Variants in DSCAML1 observed in about 807,000 individuals in gnomAD.
The protein encoded by DSCAML1 is DS cell adhesion molecule like 1, also known as cell adhesion molecule DSCAML1.
DSCAML1 carries 38 observed loss-of-function variants against 200.5 expected under a neutral mutation model. The ratio of observed to expected loss-of-function variants is 0.19; its 90% confidence interval spans 0.15 to 0.25. The LOEUF (loss-of-function observed/expected upper bound fraction) is 0.25, where lower values mean the gene tolerates loss of function less well. Among genes scored for constraint, DSCAML1 ranks in the 10% least tolerant of loss-of-function variants. The pLI is 1.00. For synonymous variants in DSCAML1, 1,215 were observed against 1,165.0 expected, an observed-to-expected ratio of 1.04 and a Z score of -0.87; for missense variants, 2,223 against 2,858.8, an observed-to-expected ratio of 0.78 and a Z score of 5.07.
chr11:117,470,346 C>T (rs567235236), intron 15 of DSCAML1, among the ~76,000 whole-genome samples: 33 of 152,250 alleles, frequency 2.2e-4, no homozygotes, highest in African/African-American at 4.1e-4. Flanking sequence ...GAGGCCAAGG[C>T]GGGCGGATCA....
chr11:117,472,966 G>GA (rs2048714669), intron 14 of DSCAML1, among the ~76,000 whole-genome samples: 1 of 151,912 alleles, frequency 6.6e-6, no homozygotes, highest in African/African-American at 2.4e-5. Flanking sequence ...ACTTGGAAAA[G>GA]AAAAAAAGGC....
chr11:117,632,014 C>T (rs111607963), intron 3 of DSCAML1, among the ~76,000 whole-genome samples: 4,238 of 152,264 alleles, frequency 0.028, 84 homozygotes, highest in Middle Eastern at 0.071. Flanking sequence ...AGGACACGTA[C>T]AGCTCACCTG....
At chr11:117,769,434 TTATATAATATATATTTTATA>T (rs1565274068) in intron 3 of DSCAML1, among the ~76,000 whole-genome samples, 114 of 46,454 alleles carry the variant, frequency 2.5e-3, no homozygotes, top group Non-Finnish European at 3.1e-3. Context: ...ATATATATTT[TTATATAATATATATTTTATA>T]TATATAATAT....
intron 3 of DSCAML1, among the ~76,000 whole-genome samples, chr11:117,724,790 A>AC (rs1365064519): frequency 6.6e-6 from 1 of 151,466 alleles, no homozygotes; most frequent in African/African-American, 2.4e-5. Context: ...CCTTCTCCAC[A>AC]CCCCCCTGAC....
chr11:117,438,442 A>G (rs1225796084), intron 24 of DSCAML1, among the ~76,000 whole-genome samples: 1 of 152,122 alleles, frequency 6.6e-6, no homozygotes, highest in African/African-American at 2.4e-5. Context: ...GGATCTAGAC[A>G]CGGCCCCCTG....
At chr11:117,583,796 G>A (rs899605950) in intron 3 of DSCAML1, among the ~76,000 whole-genome samples, 40 of 152,244 alleles carry the variant, frequency 2.6e-4, no homozygotes, top group Admixed American at 9.8e-4. Flanking sequence ...ATCCACGAAT[G>A]TCAGAAGTCC....
chr11:117,667,056 C>T (rs1370041105), intron 3 of DSCAML1, among the ~76,000 whole-genome samples: 1 of 152,158 alleles, frequency 6.6e-6, no homozygotes, highest in African/African-American at 2.4e-5. Flanking sequence ...AGGAGCAACA[C>T]CCAGCTTTCC....
intron 1 of DSCAML1, among the ~76,000 whole-genome samples, chr11:117,809,452 G>A (rs1245030324): frequency 6.6e-6 from 1 of 152,226 alleles, no homozygotes; most frequent in East Asian, 1.9e-4. Context: ...GAAGCTCCAG[G>A]CCTCCGCACT....
chr11:117,474,472 C>A (rs994071285), intron 14 of DSCAML1, among the ~76,000 whole-genome samples: 2 of 152,152 alleles, frequency 1.3e-5, no homozygotes, highest in Admixed American at 6.5e-5. Context: ...ATTCTATTTT[C>A]ATCTCTGCGC....
At chr11:117,636,148 C>A (rs989472353) in intron 3 of DSCAML1, among the ~76,000 whole-genome samples, 1 of 152,100 alleles carries the variant, frequency 6.6e-6, no homozygotes, top group African/African-American at 2.4e-5. Flanking sequence ...AGGGAAGGTT[C>A]GTAAGATAAA....
intron 3 of DSCAML1, among the ~76,000 whole-genome samples, chr11:117,720,040 T>C (rs1398399703): frequency 6.6e-6 from 1 of 151,880 alleles, no homozygotes; most frequent in South Asian, 2.1e-4. Context: ...CCTGATCAAG[T>C]CTCAATCAAT....
chr11:117,769,417 ATATATTATATATATTTT>A (rs1348043252), intron 3 of DSCAML1, among the ~76,000 whole-genome samples: 9 of 66,948 alleles, frequency 1.3e-4, no homozygotes, highest in African/African-American at 2.9e-4. Context: ...TATATTTTAT[ATATATTATATATATTTT>A]TATATAATAT....
At position 117,545,237 on chromosome 11, in the gene DSCAML1, ACACAC is replaced by A. The variant is rs1565779392; in HGVS notation, c.512-12720_512-12716del. ...AGAGCAAGATTCCGTAAAAAAAAACACACACACACACACACACACACACAAAACAC... is the reference window on the plus strand; with the variant it reads ...AGAGCAAGATTCCGTAAAAAAAAACAACACACACACACACACACAAAACAC... On this transcript the variant is annotated intron_variant, in intron 3 of 32. Transcript: ENST00000651296. 5.0e-5 allele frequency among the ~76,000 whole-genome samples: 5 copies of A among 99,692 alleles called. 1 individual carries two copies. Among genetic ancestry groups the A allele is most frequent in the South Asian group, 5.3e-4 (2 of 3,748 alleles). 65.4% of individuals were successfully genotyped at this position (99,692 alleles called of 152,430 possible).
At chr11:117,734,859 G>A (rs1939982) in intron 3 of DSCAML1, among the ~76,000 whole-genome samples, 136,851 of 152,204 alleles carry the variant, frequency 0.9, 62,896 homozygotes, top group East Asian at 1. Context: ...GGATAAGGAC[G>A]GACATGCATC....
At chr11:117,793,040 C>A (rs1019941570) in intron 1 of DSCAML1, among the ~76,000 whole-genome samples, 3 of 152,220 alleles carry the variant, frequency 2.0e-5, no homozygotes, top group Admixed American at 6.5e-5. Flanking sequence ...TTCCCCACCC[C>A]CTTCCATGCA....
At chr11:117,687,853 TA>T (rs879356852) in intron 3 of DSCAML1, among the ~76,000 whole-genome samples, 3 of 152,158 alleles carry the variant, frequency 2.0e-5, no homozygotes, top group Non-Finnish European at 4.4e-5. Flanking sequence ...CCAGGGAGCT[TA>T]GGGGAAAGAG....
chr11:117,702,903 G>A (rs1249483456), intron 3 of DSCAML1, among the ~76,000 whole-genome samples: 4 of 152,140 alleles, frequency 2.6e-5, no homozygotes, highest in Non-Finnish European at 5.9e-5. Flanking sequence ...GGATTCTTGT[G>A]GCTGAATCCT....
intron 3 of DSCAML1, among the ~76,000 whole-genome samples, chr11:117,682,738 A>G (rs974832799): frequency 2.6e-5 from 4 of 152,158 alleles, no homozygotes; most frequent in African/African-American, 9.7e-5. Context: ...AATATGTTCC[A>G]TGTCCCCAAG....
Position 117,516,033 on chromosome 11 carries a change from G to C in DSCAML1, c.1783+434C>G, listed in dbSNP as rs528751921. 6.0e-4 allele frequency among the ~76,000 whole-genome samples: 92 copies of C among 152,242 alleles called. 1 individual carries two copies. The highest frequency in any genetic ancestry group is 1.6e-3 in the Admixed American group (25 of 15,294). ...AGCCTGGGTACTGTGTATCCCACAG[G>C]GGGTCAGGGCTCCCAGCGTGCTCTG... On this transcript the variant is annotated intron_variant, in intron 8 of 32. Coordinates refer to ENST00000651296, the MANE Select transcript of DSCAML1 (RefSeq NM_020693.4). This position sits in a 1 kb window ranked among gnomAD's most constrained non-coding sequence, Gnocchi z 5.7.
Sources: allele counts gnomAD v4.1 joint callset (sites outside exome capture counted in the v4.1 genomes callset), GRCh38; gene constraint gnomAD v4.1.1; non-coding constraint Gnocchi (gnomAD v3.1); transcripts MANE v1.5; gene names NCBI Gene and HGNC (gene_info 2026-07-23, HGNC 2026-07-21).